ADGRL2: variants seen among roughly 807,000 people sequenced by gnomAD.
ADGRL2 encodes the protein adhesion G protein-coupled receptor L2.
ADGRL2 carries 44 observed loss-of-function variants against 157.4 expected under a neutral mutation model. The ratio of observed to expected loss-of-function variants is 0.28; its 90% confidence interval spans 0.22 to 0.36. The LOEUF (loss-of-function observed/expected upper bound fraction) is 0.36, where lower values mean the gene tolerates loss of function less well. Among genes scored for constraint, ADGRL2 ranks in the 10% least tolerant of loss-of-function variants. The pLI is 1.00. For missense variants in ADGRL2, 1,510 were observed against 1,768.9 expected, an observed-to-expected ratio of 0.85 and a Z score of 2.63; for synonymous variants, 585 against 624.7, an observed-to-expected ratio of 0.94 and a Z score of 0.95.
At chr1:81,419,264 C>T (rs1301947112) in intron 1 of ADGRL2, among the ~76,000 whole-genome samples, 1 of 152,122 alleles carries the variant, frequency 6.6e-6, no homozygotes, top group Non-Finnish European at 1.5e-5. Flanking sequence ...AGTGCAGTGG[C>T]CTGATTTCAG....
At chr1:81,657,762 C>T (rs2082566753) in intron 3 of ADGRL2, among the ~76,000 whole-genome samples, 1 of 152,154 alleles carries the variant, frequency 6.6e-6, no homozygotes, top group Non-Finnish European at 1.5e-5. Flanking sequence ...GTAGGCAAAG[C>T]TGTTTTGTGA....
intron 1 of ADGRL2, among the ~76,000 whole-genome samples, chr1:81,802,407 C>T (rs894624654): frequency 6.6e-6 from 1 of 151,982 alleles, no homozygotes; most frequent in African/African-American, 2.4e-5. Context: ...GCTGCTCGCT[C>T]CCTCCCCCCA....
intron 2 of ADGRL2, among the ~76,000 whole-genome samples, chr1:81,463,546 T>C (rs1436025664): frequency 1.3e-5 from 2 of 152,200 alleles, no homozygotes; most frequent in Admixed American, 1.3e-4. Context: ...GCTGTCGGAT[T>C]TCAGAATGAA....
At chr1:81,806,429 A>G (rs1018259086) in intron 1 of ADGRL2, among the ~76,000 whole-genome samples, 2 of 152,006 alleles carry the variant, frequency 1.3e-5, no homozygotes, top group African/African-American at 4.8e-5. Flanking sequence ...AGAGAGCTTT[A>G]AAACTAAGGT....
chr1:81,799,551 A>T (rs1265903597), upstream of ADGRL2, among the ~76,000 whole-genome samples: 2 of 152,192 alleles, frequency 1.3e-5, no homozygotes, highest in Non-Finnish European at 2.9e-5. Context: ...CTTTAGTACT[A>T]CACCTATCTG....
chr1:81,979,967 A>G lies in ADGRL2; in HGVS notation c.3113+7A>G. ...GCAGGTTGGAAAACATTAAGTAAGT[A>G]TTTTGTATTTTAATTTTAATACTTG... On this transcript the variant is annotated splice_region_variant and intron_variant, in intron 18 of 23. Transcript: ENST00000686636. The G allele has an allele frequency of 6.6e-7, 1 of 1,509,508 alleles. No homozygotes were observed. Among genetic ancestry groups the G allele is most frequent in the Non-Finnish European group, 9.2e-7 (1 of 1,087,022 alleles). 93.5% of individuals were successfully genotyped at this position (1,509,508 alleles called of 1,614,324 possible). A position where few individuals can be genotyped will look rare whatever the true frequency, so the allele number is the denominator to read the frequency against.
intron 1 of ADGRL2, among the ~76,000 whole-genome samples, chr1:81,733,517 T>G (rs1182912192): frequency 6.6e-6 from 1 of 152,190 alleles, no homozygotes; most frequent in African/African-American, 2.4e-5. Flanking sequence ...CCTCTGTTTA[T>G]AAGGGTACCA....
chr1:81,403,859 A>G, intron 1 of ADGRL2, among the ~76,000 whole-genome samples: 1 of 147,552 alleles, frequency 6.8e-6, no homozygotes, highest in South Asian at 2.1e-4. Flanking sequence ...GTACAGTGGC[A>G]CAATCTCAGC....
chr1:81,550,353 A>G (rs1269912887), intron 2 of ADGRL2, among the ~76,000 whole-genome samples: 1 of 152,076 alleles, frequency 6.6e-6, no homozygotes, highest in East Asian at 1.9e-4. Context: ...GGCTTTCCCA[A>G]AGTAACACAG....
chr1:81,340,592 T>G (rs1388379348), intron 1 of ADGRL2, among the ~76,000 whole-genome samples: 1 of 152,174 alleles, frequency 6.6e-6, no homozygotes, highest in East Asian at 1.9e-4. Context: ...GACACTCATT[T>G]ATGATTAAAA....
At chr1:81,812,398 C>T (rs1397391475) in intron 1 of ADGRL2, among the ~76,000 whole-genome samples, 1 of 151,602 alleles carries the variant, frequency 6.6e-6, no homozygotes, top group Non-Finnish European at 1.5e-5. Context: ...TTGTGTTTAT[C>T]ATTTCCTTTA....
chr1:81,517,489 A>AT (rs2079206966), intron 2 of ADGRL2, among the ~76,000 whole-genome samples: 1 of 148,064 alleles, frequency 6.8e-6, no homozygotes, highest in Non-Finnish European at 1.5e-5. Flanking sequence ...AAAAAAAAAA[A>AT]GGATGTCAAA....
intron 1 of ADGRL2, among the ~76,000 whole-genome samples, chr1:81,715,594 G>A (rs190557948): frequency 1.8e-4 from 28 of 152,228 alleles, no homozygotes; most frequent in Admixed American, 4.6e-4. Context: ...TATGTTAAGC[G>A]TGGAGTAAGA....
intron 2 of ADGRL2, among the ~76,000 whole-genome samples, chr1:81,882,331 T>A (rs2151240762): frequency 6.6e-6 from 1 of 152,314 alleles, no homozygotes. Context: ...AATTTAAATG[T>A]CCCACATAGT....
Position 81,986,881 on chromosome 1 carries a change from GTTTT to G in ADGRL2, c.3509-11_3509-8del. Reference sequence around the variant, plus strand: ...ATGTACTTTTCTCTGTTTTTTTGTTGTTTTTTTTTTTTACTTTAGGAATGACTGG... The same window carrying G: ...ATGTACTTTTCTCTGTTTTTTTGTTGTTTTTTTTACTTTAGGAATGACTGG... On this transcript the variant is annotated splice_polypyrimidine_tract_variant and intron_variant, in intron 21 of 23. Transcript: ENST00000686636. 2 of 1,195,968 alleles carry G rather than the reference GTTTT, an allele frequency of 1.7e-6. No homozygotes were observed. The highest frequency in any genetic ancestry group is 2.2e-5 in the Admixed American group (1 of 44,754). The allele number at this position is 1,195,968 out of a possible 1,614,324, so 74.1% of individuals were successfully genotyped here. A position where few individuals can be genotyped will look rare whatever the true frequency, so the allele number is the denominator to read the frequency against.
intron 2 of ADGRL2, among the ~76,000 whole-genome samples, chr1:81,859,805 G>C (rs1258845775): frequency 6.6e-6 from 1 of 151,846 alleles, no homozygotes; most frequent in Admixed American, 6.6e-5. Flanking sequence ...GTATTTTTAA[G>C]GACTTTATTA....
At chr1:81,637,122 G>C (rs1306752797) in intron 3 of ADGRL2, among the ~76,000 whole-genome samples, 1 of 152,146 alleles carries the variant, frequency 6.6e-6, no homozygotes, top group African/African-American at 2.4e-5. Flanking sequence ...GGGATTACAG[G>C]CATGAACCAC....
chr1:81,934,526 C>T (rs576103716), intron 3 of ADGRL2, among the ~76,000 whole-genome samples: 6 of 151,878 alleles, frequency 4.0e-5, no homozygotes, highest in Non-Finnish European at 7.4e-5. Context: ...GAGTTACTTT[C>T]TCCTTCACCT....
rs181985013 is a variant in ADGRL2 at position 81,884,099 on chromosome 1, C to T, written c.74-22918C>T. On this transcript the variant is annotated intron_variant, in intron 2 of 23. Transcript: ENST00000686636. ...CTCCTGGGCTCAAGTGATCCTCCCCCCTCAGCCCCCAGAATAGCCGGGACT... is the reference window on the plus strand; with the variant it reads ...CTCCTGGGCTCAAGTGATCCTCCCCTCTCAGCCCCCAGAATAGCCGGGACT... Among the ~76,000 whole-genome samples the T allele has an allele frequency of 2.4e-3, 362 of 152,084 alleles. 1 individual carries two copies. Among genetic ancestry groups the T allele is most frequent in the Non-Finnish European group, 2.6e-3 (180 of 68,002 alleles).
Sources: gnomAD v4.1 joint callset for allele counts (sites outside exome capture counted in the v4.1 genomes callset) on GRCh38, gnomAD v4.1.1 for gene constraint, MANE v1.5 for transcripts, NCBI Gene and HGNC (gene_info 2026-07-23, HGNC 2026-07-21) for gene names.